Variants in DCX observed in about 807,000 individuals in gnomAD.
DCX encodes doublecortin.
DCX carries 4 observed loss-of-function variants against 20.9 expected under a neutral mutation model. The observed-to-expected ratio is 0.19, with a 90% confidence interval of 0.09 to 0.44. The LOEUF (loss-of-function observed/expected upper bound fraction) is 0.44, where lower values mean the gene tolerates loss of function less well. Among genes scored for constraint, DCX ranks in the 20% least tolerant of loss-of-function variants. The probability of loss-of-function intolerance (pLI) is 0.99; values close to 1 mark genes in which losing one functional copy is unlikely to be tolerated. For synonymous variants in DCX, 103 were observed against 111.4 expected (o/e 0.92, Z 0.47); for missense variants, 133 against 296.9 (o/e 0.45, Z 4.06).
intron 3 of DCX, among the ~76,000 whole-genome samples, chrX:111,377,986 G>A (rs1925673916): frequency 9.0e-6 from 1 of 111,132 alleles, no homozygotes; most frequent in African/African-American, 3.3e-5. Context: ...TGAGAAGGCA[G>A]GACCAGGAAA....
chrX:111,383,120 C>T (rs1484250830), intron 3 of DCX, among the ~76,000 whole-genome samples: 1 of 110,973 alleles, frequency 9.0e-6, no homozygotes, highest in Non-Finnish European at 1.9e-5. Flanking sequence ...AAGCCAGGAA[C>T]AAATGAAGGC....
intron 3 of DCX, among the ~76,000 whole-genome samples, chrX:111,380,545 C>T (rs1925887046): frequency 9.0e-6 from 1 of 111,645 alleles, no homozygotes; most frequent in African/African-American, 3.2e-5. Flanking sequence ...CAGTACCACA[C>T]TGTTTTGATA....
intron 3 of DCX, among the ~76,000 whole-genome samples, chrX:111,360,188 G>A (rs1260454826): frequency 2.7e-5 from 3 of 111,814 alleles, no homozygotes; most frequent in Non-Finnish European, 5.6e-5. Flanking sequence ...AGACTTAGAA[G>A]CAACCTAACC....
intron 5 of DCX, among the ~76,000 whole-genome samples, chrX:111,315,464 C>G: frequency 4.9e-5 from 1 of 20,618 alleles, no homozygotes; most frequent in Non-Finnish European, 9.0e-5. Context: ...AATAGGAACA[C>G]TTTTACACTG....
chrX:111,346,402 G>C (rs768165307), intron 3 of DCX, among the ~76,000 whole-genome samples: 1 of 112,515 alleles, frequency 8.9e-6, no homozygotes, highest in Non-Finnish European at 1.9e-5. Flanking sequence ...TCTGATATAT[G>C]TTACAACATG....
chrX:111,316,079 T>TAAA (rs1430738484), intron 5 of DCX, among the ~76,000 whole-genome samples: 2 of 23,991 alleles, frequency 8.3e-5, no homozygotes, highest in Non-Finnish European at 1.6e-4. Flanking sequence ...TAGAGTATAA[T>TAAA]AAAAAATAAA....
chrX:111,307,297 T>C (rs1372639558), intron 6 of DCX, among the ~76,000 whole-genome samples: 1 of 108,673 alleles, frequency 9.2e-6, no homozygotes, highest in Non-Finnish European at 1.9e-5. Context: ...TATACATATA[T>C]ATATACACGT....
intron 2 of DCX, among the ~76,000 whole-genome samples, 174 bp from the exon 3 acceptor site, chrX:111,401,504 A>G (rs1927789958): frequency 8.9e-6 from 1 of 112,212 alleles, no homozygotes; most frequent in East Asian, 2.8e-4. Context: ...CAAATTCAAG[A>G]GTAATTCTCA....
intron 2 of DCX, among the ~76,000 whole-genome samples, chrX:111,405,112 T>C (rs1928111010): frequency 8.9e-6 from 1 of 112,198 alleles, no homozygotes; most frequent in Non-Finnish European, 1.9e-5. Context: ...AAACAAGCTG[T>C]GGGCTGGAGA....
intron 3 of DCX, among the ~76,000 whole-genome samples, chrX:111,351,953 G>C: frequency 8.9e-6 from 1 of 111,786 alleles, no homozygotes; most frequent in South Asian, 3.8e-4. Flanking sequence ...TGGAACTCCT[G>C]GGCTCATGCA....
chrX:111,320,498 T>C (rs770422814), intron 5 of DCX, among the ~76,000 whole-genome samples: 126 of 111,846 alleles, frequency 1.1e-3, no homozygotes, highest in Admixed American at 1.9e-3. Context: ...TAACCATCCT[T>C]AGCTCTTGTC....
At chrX:111,400,359 G>T (rs1264590393) in intron 3 of DCX, among the ~76,000 whole-genome samples, 1 of 111,990 alleles carries the variant, frequency 8.9e-6, no homozygotes, top group African/African-American at 3.2e-5. Flanking sequence ...ACAGATGGCA[G>T]CATCTTTCTT....
rs750763147 is a variant in DCX at position 111,371,016 on chromosome X, C to T, written c.705+29974G>A. 5.4e-5 allele frequency among the ~76,000 whole-genome samples: 6 copies of T among 111,956 alleles called. No homozygotes were observed. The South Asian group carries it at 1.5e-3, about 28-fold the overall frequency. ...CTAACCACCCCTCTATCAATCCATC[C>T]TATTTTTAATGCATTTCAAAATAGG... On this transcript the variant is annotated intron_variant, in intron 3 of 6. Transcript: ENST00000636035.
At position 111,399,093 on chromosome X, in the gene DCX, G is replaced by A. The variant is rs188450305; in HGVS notation, c.705+1897C>T. The stretch of plus-strand genomic sequence containing the variant: ...CACACCACTGCACTCCAGCCTGGGT[G>A]ACAGAGTGAGACTCTGACTCCAAAA... On this transcript the variant is annotated intron_variant, in intron 3 of 6. Coordinates refer to ENST00000636035, the MANE Select transcript of DCX (RefSeq NM_001195553.2). 2.6e-3 allele frequency among the ~76,000 whole-genome samples: 292 copies of A among 111,011 alleles called. 1 individual carries two copies. The highest frequency in any genetic ancestry group is 9.2e-3 in the African/African-American group (280 of 30,526).
intron 1 of DCX, 147 bp downstream of exon 1, chrX:111,411,991 G>A (rs1253795346): frequency 3.6e-5 from 4 of 111,998 alleles, no homozygotes; most frequent in Admixed American, 2.8e-4. Flanking sequence ...AAAATCCCAG[G>A]TAGAAGCTTA....
intron 5 of DCX, among the ~76,000 whole-genome samples, chrX:111,325,491 A>G (rs1330336635): frequency 8.9e-6 from 1 of 112,140 alleles, no homozygotes; most frequent in Non-Finnish European, 1.9e-5. Context: ...TTTCCAACTT[A>G]ATTCATAGTG....
chrX:111,350,230 ATAGAG>A (rs1923198215), intron 3 of DCX, among the ~76,000 whole-genome samples: 1 of 111,043 alleles, frequency 9.0e-6, no homozygotes, highest in African/African-American at 3.3e-5. Flanking sequence ...GCAGGGTGGA[ATAGAG>A]TAGAGAGTAG....
At chrX:111,356,835 C>G (rs1008297662) in intron 3 of DCX, among the ~76,000 whole-genome samples, 6 of 111,619 alleles carry the variant, frequency 5.4e-5, no homozygotes, top group Non-Finnish European at 9.4e-5. Context: ...CTAAACTTTG[C>G]GAGACTGAGG....
At chrX:111,357,811 G>A (rs898842703) in intron 3 of DCX, among the ~76,000 whole-genome samples, 1 of 110,575 alleles carries the variant, frequency 9.0e-6, no homozygotes. Flanking sequence ...AAAAAAAGGA[G>A]CTGAAGCTCT....
Sources: allele counts gnomAD v4.1 joint callset (sites outside exome capture counted in the v4.1 genomes callset), GRCh38; gene constraint gnomAD v4.1.1; transcripts MANE v1.5; gene names NCBI Gene and HGNC (gene_info 2026-07-23, HGNC 2026-07-21).